GRIN2D: variants seen among roughly 807,000 people sequenced by gnomAD.
GRIN2D encodes the protein glutamate receptor ionotropic, NMDA 2D.
GRIN2D carries 37 observed loss-of-function variants against 103.2 expected under a neutral mutation model. The ratio of observed to expected loss-of-function variants is 0.36; its 90% CI spans 0.28 to 0.47. GRIN2D has a LOEUF of 0.47. GRIN2D is among the 20% of genes least tolerant of loss of function. GRIN2D has a pLI of 1.00. For missense variants in GRIN2D, 1,557 were observed against 1,910.6 expected, an observed-to-expected ratio of 0.81 and a Z score of 3.45; for synonymous variants, 845 against 885.6, an observed-to-expected ratio of 0.95 and a Z score of 0.81.
At position 48,442,373 on chromosome 19, in the gene GRIN2D, C is replaced by T. The variant is rs1168746794; in HGVS notation, c.2664C>T (p.Ala888=). ...GPTHRMDFLL[A]FSRGMYSCCS... ...CCCACCGCATGGACTTCCTGCTGGCCTTCTCCAGGGTATGGGGCAGAGAGG... is the reference window on the plus strand; with the variant it reads ...CCCACCGCATGGACTTCCTGCTGGCTTTCTCCAGGGTATGGGGCAGAGAGG... Residue 888 remains alanine (A), a synonymous_variant, in exon 13 of 14, where the codon GCC becomes GCT. Coordinates refer to ENST00000263269, the MANE Select transcript of GRIN2D (RefSeq NM_000836.4). This position sits in a 1 kb window ranked among gnomAD's most constrained non-coding sequence, Gnocchi z 7.2. The T allele has an allele frequency of 6.2e-7, 1 of 1,610,618 alleles. No individual in the cohort carries two copies. Among genetic ancestry groups the T allele is most frequent in the East Asian group, 2.2e-5 (1 of 44,848 alleles).
At chr19:48,401,032 G>A (rs1569058559) in intron 3 of GRIN2D, among the ~76,000 whole-genome samples, 1 of 150,456 alleles carries the variant, frequency 6.6e-6, no homozygotes, top group African/African-American at 2.5e-5. Flanking sequence ...GCAGTGAGCC[G>A]AGATCTTGCC....
chr19:48,439,949 C>A (rs549334930), intron 11 of GRIN2D, among the ~76,000 whole-genome samples: 1 of 151,404 alleles, frequency 6.6e-6, no homozygotes, highest in Non-Finnish European at 1.5e-5. Flanking sequence ...TGGTGGCTCA[C>A]GCCTGTAATC....
chr19:48,428,999 G>C (rs930529371), intron 11 of GRIN2D, among the ~76,000 whole-genome samples: 3 of 152,096 alleles, frequency 2.0e-5, no homozygotes, highest in Non-Finnish European at 4.4e-5. Flanking sequence ...TGTGCACTGA[G>C]TAACCCAGAA....
At chr19:48,426,746 G>A (rs983048393) in intron 11 of GRIN2D, among the ~76,000 whole-genome samples, 4 of 151,196 alleles carry the variant, frequency 2.6e-5, no homozygotes, top group African/African-American at 7.3e-5. Flanking sequence ...CACCATGCCC[G>A]GCTAATTTTT....
chr19:48,394,785 C>T lies in GRIN2D; in HGVS notation c.-178C>T, dbSNP rs1970616582. ...AGGGACAGACAGGAGGTCCGGGCTG[C>T]CGCTGCTGCCGCCACCACCACTGCC... On this transcript the variant is annotated 5_prime_UTR_variant, in exon 2 of 14. Coordinates refer to ENST00000263269, the MANE Select transcript of GRIN2D (RefSeq NM_000836.4). The surrounding 1 kb of genome is among the most constrained non-coding windows in gnomAD (Gnocchi z 5.1). 1.3e-5 allele frequency: 2 copies of T among 155,648 alleles called. No individual in the cohort carries two copies. Among genetic ancestry groups the T allele is most frequent in the Middle Eastern group, 2.8e-3 (1 of 360 alleles). 9.6% of individuals were successfully genotyped at this position (155,648 alleles called of 1,614,324 possible). A position where few individuals can be genotyped will look rare whatever the true frequency, so the allele number is the denominator to read the frequency against.
In GRIN2D at chr19:48,398,476, C is replaced by T; in HGVS notation, c.84C>T (p.Phe28=). The T allele has an allele frequency of 2.9e-6, 3 of 1,046,606 alleles. No homozygotes were observed. The highest frequency in any genetic ancestry group is 3.4e-6 in the Non-Finnish European group (3 of 870,936). 64.8% of individuals were successfully genotyped at this position (1,046,606 alleles called of 1,614,324 possible). A position where few individuals can be genotyped will look rare whatever the true frequency, so the allele number is the denominator to read the frequency against. ...TGGCGCTGGCCTGCGCCAGCCCGTT[C>T]CCGGAGGAGGCGCCGGGGCCGGGCG... ...LLLALACASP[F]PEEAPGPGGA... The change falls in exon 3 of 14, where the codon TTC becomes TTT. Residue 28 remains phenylalanine, a synonymous_variant. Transcript: ENST00000263269.
chr19:48,427,472 CTTTTTTTTTT>C (rs1038381293), intron 11 of GRIN2D, among the ~76,000 whole-genome samples: 14 of 83,240 alleles, frequency 1.7e-4, no homozygotes, highest in African/African-American at 6.6e-4. Context: ...ATCTTCTTTT[CTTTTTTTTTT>C]TTTTTTTTTT....
Position 48,442,771 on chromosome 19 carries a change from G to A in GRIN2D, c.2845G>A (p.Ala949Thr). 9.3e-7 allele frequency: 1 copy of A among 1,070,540 alleles called. No homozygotes were observed. The highest frequency in any genetic ancestry group is 1.1e-6 in the Non-Finnish European group (1 of 886,292). 66.3% of individuals were successfully genotyped at this position (1,070,540 alleles called of 1,614,324 possible). A position where few individuals can be genotyped will look rare whatever the true frequency, so the allele number is the denominator to read the frequency against. Reference protein sequence around the residue: ...SVDRWRRTKGAGPPGGAGLAD... With the variant: ...SVDRWRRTKGTGPPGGAGLAD... ...GGACCGCTGGCGCCGGACCAAGGGC[G>A]CGGGGCCGCCGGGGGGCGCGGGCCT... is the stretch of plus-strand genomic sequence containing the variant. The change falls in exon 14 of 14, where the codon GCG (alanine) becomes ACG (threonine). Residue 949 changes from alanine (A) to threonine (T), a missense_variant. Physicochemically the swap from Ala to Thr is moderately conservative, Grantham distance 58 (BLOSUM62 0). Transcript: ENST00000263269. This position sits in a 1 kb window ranked among gnomAD's most constrained non-coding sequence, Gnocchi z 7.2.
In GRIN2D at chr19:48,419,818, T is replaced by C; in HGVS notation, c.2091+4T>C. 6.4e-7 allele frequency: 1 copy of C among 1,570,962 alleles called. No homozygotes were observed. Among genetic ancestry groups the C allele is most frequent in the Non-Finnish European group, 8.7e-7 (1 of 1,151,930 alleles). ...GTCTGGGCTCAGTGACCGCAAGGTG[T>C]GTGTGGGCCCAGGGCTGGGCTGGAG... On this transcript the variant is annotated splice_donor_region_variant and intron_variant, in intron 10 of 13. Coordinates refer to ENST00000263269, the MANE Select transcript of GRIN2D (RefSeq NM_000836.4).
chr19:48,421,837 A>G lies in GRIN2D; in HGVS notation c.2144A>G (p.Asn715Ser). 1 of 1,613,970 alleles carries G rather than the reference A, an allele frequency of 6.2e-7. No homozygotes were observed. Among genetic ancestry groups the G allele is most frequent in the Non-Finnish European group, 8.5e-7 (1 of 1,179,946 alleles). ...CCCCTGAAGTTTGGGACCGTGCCCA[A>G]CGGCTCCACGGAGAAGAACATCCGC... ...YPPLKFGTVP[N>S]GSTEKNIRSN... Residue 715 changes from asparagine to serine, a missense_variant, in exon 11 of 14, where the codon AAC (asparagine) becomes AGC (serine). Transcript: ENST00000263269. The surrounding 1 kb of genome is among the most constrained non-coding windows in gnomAD (Gnocchi z 4.8).
chr19:48,430,312 G>A (rs994331156), intron 11 of GRIN2D, among the ~76,000 whole-genome samples: 1 of 152,204 alleles, frequency 6.6e-6, no homozygotes, highest in Non-Finnish European at 1.5e-5. Flanking sequence ...TGATTCTCCT[G>A]CCTCAGCCTC....
At position 48,419,287 on chromosome 19, in the gene GRIN2D, G is replaced by A. The variant is rs371559801; in HGVS notation, c.1789G>A (p.Val597Ile). The A allele has an allele frequency of 6.2e-7, 1 of 1,611,214 alleles. No homozygotes were observed. Among genetic ancestry groups the A allele is most frequent in the Non-Finnish European group, 8.5e-7 (1 of 1,179,694 alleles). ...VMMFVMCLTV[V>I]AVTVFIFEYL... ...GATGTTCGTCATGTGCCTCACTGTG[G>A]TCGCCGTCACTGTTTTCATCTTCGA... The change falls in exon 9 of 14, where the codon GTC (valine) becomes ATC (isoleucine). Residue 597 changes from valine (V) to isoleucine (I), a missense_variant. By Grantham distance (29) the Val-to-Ile change is conservative. Transcript: ENST00000263269.
intron 11 of GRIN2D, 94 bp downstream of exon 11, chr19:48,422,039 C>T (rs1306252930): frequency 7.6e-6 from 10 of 1,309,552 alleles, no homozygotes; most frequent in Admixed American, 2.0e-5. Flanking sequence ...TTCATTCAGT[C>T]CCAGAGGTCA....
chr19:48,412,620 T>C (rs1207611582), intron 4 of GRIN2D, among the ~76,000 whole-genome samples: 7 of 150,652 alleles, frequency 4.6e-5, no homozygotes, highest in Non-Finnish European at 1.5e-5. Flanking sequence ...AAACCCTGTC[T>C]CTACTAAAAA....
chr19:48,394,105 G>A lies in GRIN2D; in HGVS notation c.-306+237G>A, dbSNP rs970782428. 6.6e-6 allele frequency among the ~76,000 whole-genome samples: 1 copy of A among 152,028 alleles called. No homozygotes were observed. Among genetic ancestry groups the A allele is most frequent in the African/African-American group, 2.4e-5 (1 of 41,382 alleles). On this transcript the variant is annotated intron_variant, in intron 1 of 13. Transcript: ENST00000263269. This position sits in a 1 kb window ranked among gnomAD's most constrained non-coding sequence, Gnocchi z 5.1. Reference sequence around the variant, plus strand: ...TCCGGCCAGGCGTCTGGGCGTCCCCGGCTGCCTGTGTCCTCCTGTCTGTCC... The same window carrying A: ...TCCGGCCAGGCGTCTGGGCGTCCCCAGCTGCCTGTGTCCTCCTGTCTGTCC...
chr19:48,414,787 T>G lies in GRIN2D; in HGVS notation c.1413-77T>G. ...CATAGTTTTAGCTGCCGCCTATCCC[T>G]TCCTCCATATCCTCTCTTCATGAGA... On this transcript the variant is annotated intron_variant, in intron 6 of 13. Transcript: ENST00000263269. This position sits in a 1 kb window ranked among gnomAD's most constrained non-coding sequence, Gnocchi z 4.6. The G allele has an allele frequency of 6.8e-7, 1 of 1,478,342 alleles. No individual in the cohort carries two copies. Among genetic ancestry groups the G allele is most frequent in the Non-Finnish European group, 9.3e-7 (1 of 1,078,908 alleles). 91.6% of individuals were successfully genotyped at this position (1,478,342 alleles called of 1,614,324 possible). A position where few individuals can be genotyped will look rare whatever the true frequency, so the allele number is the denominator to read the frequency against.
intron 3 of GRIN2D, among the ~76,000 whole-genome samples, chr19:48,402,797 AGAGAG>A (rs1290487622): frequency 2.8e-5 from 4 of 144,938 alleles, no homozygotes; most frequent in African/African-American, 1.1e-4. Flanking sequence ...AGAGAGAGAG[AGAGAG>A]AGAATAGGGA....
At chr19:48,400,989 C>A (rs2147437163) in intron 3 of GRIN2D, among the ~76,000 whole-genome samples, 1 of 151,828 alleles carries the variant, frequency 6.6e-6, no homozygotes, top group East Asian at 1.9e-4. Context: ...ATCGCTTGAA[C>A]CTGGGAGGCG....
intron 11 of GRIN2D, among the ~76,000 whole-genome samples, chr19:48,424,671 T>C (rs1271717614): frequency 6.6e-6 from 1 of 152,144 alleles, no homozygotes; most frequent in Admixed American, 6.6e-5. Context: ...ATAATTTTTT[T>C]CCCCACACGC....
Sources: allele counts gnomAD v4.1 joint callset (sites outside exome capture counted in the v4.1 genomes callset), GRCh38; gene constraint gnomAD v4.1.1; non-coding constraint Gnocchi (gnomAD v3.1); transcripts MANE v1.5; gene names NCBI Gene and HGNC (gene_info 2026-07-23, HGNC 2026-07-21).